The following AUTS2 variants were observed in gnomAD, a reference collection of about 807,000 sequenced individuals.
The protein encoded by AUTS2 is autism susceptibility gene 2 protein.
Under a neutral mutation model 112.4 loss-of-function variants are expected in AUTS2, and 17 were observed. The ratio of observed to expected loss-of-function variants is 0.15; its 90% CI spans 0.10 to 0.23. The LOEUF is 0.23. Ranked by LOEUF, AUTS2 falls within the 10% of genes least tolerant of loss-of-function variation. The pLI, the probability that AUTS2 is intolerant of heterozygous loss-of-function variation, is 1.00. For synonymous variants in AUTS2, 751 were observed against 702.7 expected (o/e 1.07, Z -1.09); for missense variants, 1,510 against 1,701.6 (o/e 0.89, Z 1.98).
chr7:70,651,075 G>A (rs570506468), intron 5 of AUTS2, among the ~76,000 whole-genome samples: 1 of 152,200 alleles, frequency 6.6e-6, no homozygotes, highest in African/African-American at 2.4e-5. Context: ...ATCAACTACA[G>A]TTATTGAGCA....
chr7:70,590,065 G>A (rs1802867408), intron 5 of AUTS2, among the ~76,000 whole-genome samples: 1 of 152,100 alleles, frequency 6.6e-6, no homozygotes, highest in African/African-American at 2.4e-5. Flanking sequence ...TCTCAGACAA[G>A]TGCACCCAGG....
In AUTS2 at chr7:70,194,033, C is replaced by A. The variant is rs571752161; in HGVS notation, c.660+59462C>A. ...TGATTTACCAAAATCTGTGATTGTG[C>A]CATGAAAAGATGATAAAGGAGACCA... On this transcript the variant is annotated intron_variant, in intron 4 of 18. Transcript: ENST00000342771. Among the ~76,000 whole-genome samples, 7 of 152,250 alleles carry A rather than the reference C, an allele frequency of 4.6e-5. No homozygotes were observed. The East Asian group carries it at 1.4e-3, about 29-fold the overall frequency.
chr7:70,628,650 G>A (rs910562649), intron 5 of AUTS2, among the ~76,000 whole-genome samples: 4 of 151,536 alleles, frequency 2.6e-5, no homozygotes, highest in Admixed American at 6.6e-5. Flanking sequence ...TTTGATTTTA[G>A]CCCACTTGGT....
intron 5 of AUTS2, among the ~76,000 whole-genome samples, chr7:70,562,281 A>T (rs1009686223): frequency 6.6e-6 from 1 of 152,230 alleles, no homozygotes. Flanking sequence ...AGATTAGACC[A>T]CTTGGTTATC....
At chr7:70,209,442 G>A (rs1810742156) in intron 4 of AUTS2, among the ~76,000 whole-genome samples, 1 of 152,194 alleles carries the variant, frequency 6.6e-6, no homozygotes, top group Admixed American at 6.5e-5. Flanking sequence ...TTGGGAAAAT[G>A]TCCAGCGTGG....
At chr7:70,416,637 C>G (rs572997046) in intron 4 of AUTS2, among the ~76,000 whole-genome samples, 2 of 152,366 alleles carry the variant, frequency 1.3e-5, no homozygotes, top group East Asian at 3.9e-4. Flanking sequence ...CCCTATGAAC[C>G]TGTCCGGCAA....
intron 1 of AUTS2, among the ~76,000 whole-genome samples, chr7:69,833,349 AT>A (rs1412784171): frequency 6.6e-6 from 1 of 152,218 alleles, no homozygotes; most frequent in East Asian, 1.9e-4. Context: ...TTATATAATT[AT>A]AATTGGATCT....
chr7:70,039,305 C>T (rs1449547974), intron 2 of AUTS2, among the ~76,000 whole-genome samples: 7 of 152,004 alleles, frequency 4.6e-5, no homozygotes, highest in African/African-American at 9.7e-5. Context: ...AATTCACTAC[C>T]GGTTCTTCAG....
rs1585689070 is a variant in AUTS2 at position 70,784,933 on chromosome 7, A to T, written c.2147-9A>T. On this transcript the variant is annotated splice_polypyrimidine_tract_variant and intron_variant, in intron 15 of 18. Transcript: ENST00000342771. Reference sequence around the variant, plus strand: ...GTAAACTCTGGTTTCGTTATGTTTGACTTAACAGGTGCTGCACACCCAACT... The same window carrying T: ...GTAAACTCTGGTTTCGTTATGTTTGTCTTAACAGGTGCTGCACACCCAACT... 1.2e-6 allele frequency: 2 copies of T among 1,613,818 alleles called. No homozygotes were observed.
chr7:70,435,736 T>G lies in AUTS2; in HGVS notation c.661-16T>G. 1 of 1,614,080 alleles carries G rather than the reference T, an allele frequency of 6.2e-7. No homozygotes were observed. The highest frequency in any genetic ancestry group is 1.1e-5 in the South Asian group (1 of 91,070). On this transcript the variant is annotated splice_polypyrimidine_tract_variant and intron_variant, in intron 4 of 18. Transcript: ENST00000342771. ...AGTTCTTGCACTAACCCTTATTCTCTTGTCTTCATTTTCAGTGTGACAGTG... is the reference window on the plus strand; with the variant it reads ...AGTTCTTGCACTAACCCTTATTCTCGTGTCTTCATTTTCAGTGTGACAGTG...
chr7:70,409,739 T>G (rs564114532), intron 4 of AUTS2, among the ~76,000 whole-genome samples: 159 of 152,244 alleles, frequency 1.0e-3, no homozygotes, highest in Non-Finnish European at 2.0e-3. Flanking sequence ...CATTGTTATT[T>G]TTCACGTATT....
In AUTS2 at chr7:70,053,993, A is replaced by T. The variant is rs577749013; in HGVS notation, c.523-64139A>T. On this transcript the variant is annotated intron_variant, in intron 2 of 18. Transcript: ENST00000342771. ...TAATTTATATGGTACTCAATAAACTATGGCAGTCAAGAAAACCAAAAGAAA... is the reference window on the plus strand; with the variant it reads ...TAATTTATATGGTACTCAATAAACTTTGGCAGTCAAGAAAACCAAAAGAAA... Among the ~76,000 whole-genome samples, 7 of 152,312 alleles carry T rather than the reference A, an allele frequency of 4.6e-5. No homozygotes were observed. In the East Asian group the frequency reaches 1.4e-3, roughly 29 times the overall value.
chr7:70,070,269 A>C (rs1802693095), intron 2 of AUTS2, among the ~76,000 whole-genome samples: 1 of 152,096 alleles, frequency 6.6e-6, no homozygotes, highest in Non-Finnish European at 1.5e-5. Flanking sequence ...GTGTTTATTT[A>C]AATTTAAACA....
At chr7:70,479,007 A>G (rs1406415747) in intron 5 of AUTS2, among the ~76,000 whole-genome samples, 2 of 152,082 alleles carry the variant, frequency 1.3e-5, no homozygotes, top group African/African-American at 4.8e-5. Context: ...GATGAAAATG[A>G]AGAGAAAATT....
At chr7:70,216,254 CAG>C (rs2129589934) in intron 4 of AUTS2, among the ~76,000 whole-genome samples, 1 of 152,330 alleles carries the variant, frequency 6.6e-6, no homozygotes, top group South Asian at 2.1e-4. Context: ...TTAATCTGGA[CAG>C]AGTGTTGGAA....
At position 70,266,485 on chromosome 7, in the gene AUTS2, G is replaced by A. The variant is rs1003707310; in HGVS notation, c.660+131914G>A. Among the ~76,000 whole-genome samples the A allele has an allele frequency of 3.3e-5, 5 of 152,212 alleles. No homozygotes were observed. The South Asian group carries it at 6.2e-4, about 19-fold the overall frequency. ...AAAACTACTGAAAACCCTGTGAAAT[G>A]TACAGTTTAAAATGGTTAAAATGAT... On this transcript the variant is annotated intron_variant, in intron 4 of 18. Coordinates refer to ENST00000342771, the MANE Select transcript of AUTS2 (RefSeq NM_015570.4).
chr7:69,606,993 A>G (rs769596277), intron 1 of AUTS2, among the ~76,000 whole-genome samples: 28 of 152,334 alleles, frequency 1.8e-4, no homozygotes, highest in Non-Finnish European at 3.1e-4. Flanking sequence ...AGTTTCTATT[A>G]TAGCTTTGCA....
chr7:69,623,786 A>C (rs1171639901), intron 1 of AUTS2, among the ~76,000 whole-genome samples: 1 of 152,158 alleles, frequency 6.6e-6, no homozygotes, highest in African/African-American at 2.4e-5. Flanking sequence ...TGTACAGCTC[A>C]ATGAATGATC....
intron 2 of AUTS2, among the ~76,000 whole-genome samples, chr7:70,011,191 C>G (rs1414308542): frequency 6.6e-6 from 1 of 152,142 alleles, no homozygotes; most frequent in African/African-American, 2.4e-5. Flanking sequence ...GTCACTCAGT[C>G]TTTTTTGCTG....
Sources: allele counts gnomAD v4.1 joint callset (sites outside exome capture counted in the v4.1 genomes callset), GRCh38; gene constraint gnomAD v4.1.1; transcripts MANE v1.5; gene names NCBI Gene and HGNC (gene_info 2026-07-23, HGNC 2026-07-21).